The following SUCLG2 variants were observed in gnomAD, a reference collection of about 807,000 sequenced individuals.
SUCLG2 encodes succinate-CoA ligase GDP-forming subunit beta.
SUCLG2 carries 42 observed loss-of-function variants against 47.9 expected under a neutral mutation model. That is an observed-to-expected ratio of 0.88 (90% CI 0.69 to 1.14). The LOEUF (loss-of-function observed/expected upper bound fraction) is 1.14. Among genes scored for constraint, SUCLG2 ranks in the 50% most tolerant of loss-of-function variants. SUCLG2 has a pLI of 0.00. For missense variants in SUCLG2, 571 were observed against 525.9 expected (o/e 1.09, Z -0.84); for synonymous variants, 195 against 197.3 (o/e 0.99, Z 0.10).
At chr3:67,640,029 ATAAT>A (rs1004989264) in intron 1 of SUCLG2, among the ~76,000 whole-genome samples, 60 of 151,846 alleles carry the variant, frequency 4.0e-4, no homozygotes, top group African/African-American at 1.4e-3. Context: ...AGGAGATAGC[ATAAT>A]TAAAAAATAA....
rs1702009354 is a variant in SUCLG2, at chr3:67,375,079, G to A, written c.*665C>T. 5.1e-6 allele frequency: 5 copies of A among 985,724 alleles called. No individual in the cohort carries two copies. The highest frequency in any genetic ancestry group is 6.0e-6 in the Non-Finnish European group (5 of 829,878). 61.1% of individuals were successfully genotyped at this position (985,724 alleles called of 1,614,324 possible). A position where few individuals can be genotyped will look rare whatever the true frequency, so the allele number is the denominator to read the frequency against. ...AATAAGGCTTCTGGTTTTCTTTTTA[G>A]TGTGAGGTAAACAGTATATTCAATA... On this transcript the variant is annotated 3_prime_UTR_variant, in exon 11 of 11. Transcript: ENST00000307227.
At chr3:67,562,550 T>C (rs917066036) in intron 2 of SUCLG2, among the ~76,000 whole-genome samples, 27 of 152,360 alleles carry the variant, frequency 1.8e-4, no homozygotes, top group Admixed American at 1.6e-3. Context: ...AGTGCTGGGA[T>C]CACAGGCGTG....
intron 9 of SUCLG2, among the ~76,000 whole-genome samples, chr3:67,422,335 C>G (rs1703179489): frequency 1.3e-5 from 2 of 151,306 alleles, no homozygotes; most frequent in South Asian, 4.2e-4. Flanking sequence ...ATTAGCTGGG[C>G]ATGGTGGTGT....
At chr3:67,425,046 G>A (rs1022873962) in intron 9 of SUCLG2, among the ~76,000 whole-genome samples, 1 of 151,218 alleles carries the variant, frequency 6.6e-6, no homozygotes, top group African/African-American at 2.4e-5. Context: ...CACACCTTTA[G>A]CCAGAGAATC....
At chr3:67,377,440 T>C (rs374455983) in intron 10 of SUCLG2, among the ~76,000 whole-genome samples, 4 of 152,178 alleles carry the variant, frequency 2.6e-5, no homozygotes, top group East Asian at 3.9e-4. Context: ...TAGAGTGCTA[T>C]TGCTGGAAAG....
At chr3:67,569,694 G>A (rs1707558821) in intron 2 of SUCLG2, among the ~76,000 whole-genome samples, 1 of 152,158 alleles carries the variant, frequency 6.6e-6, no homozygotes, top group African/African-American at 2.4e-5. Flanking sequence ...AACTTGTCTG[G>A]TTTCACAAAT....
At chr3:67,472,781 A>T (rs1488948684) in intron 9 of SUCLG2, among the ~76,000 whole-genome samples, 2 of 152,162 alleles carry the variant, frequency 1.3e-5, no homozygotes, top group Admixed American at 6.5e-5. Flanking sequence ...ACAAACATTC[A>T]ATGTAGTCCC....
chr3:67,483,809 C>A (rs528610802), intron 9 of SUCLG2, among the ~76,000 whole-genome samples: 2 of 152,080 alleles, frequency 1.3e-5, no homozygotes, highest in African/African-American at 4.8e-5. Flanking sequence ...TGGAGAACAC[C>A]CCCCTACCTA....
chr3:67,524,954 C>T (rs924257004), intron 4 of SUCLG2, among the ~76,000 whole-genome samples: 2 of 152,120 alleles, frequency 1.3e-5, no homozygotes, highest in Non-Finnish European at 2.9e-5. Context: ...GGGAACTTCA[C>T]CAAGCATTTA....
intron 2 of SUCLG2, among the ~76,000 whole-genome samples, chr3:67,579,911 A>G (rs970937309): frequency 5.3e-5 from 8 of 152,214 alleles, no homozygotes; most frequent in African/African-American, 1.9e-4. Context: ...ACATAAACAG[A>G]AAGACACATT....
intron 9 of SUCLG2, 21 bp downstream of exon 9, chr3:67,495,777 C>T (rs752488364): frequency 3.1e-5 from 50 of 1,612,268 alleles, no homozygotes; most frequent in Non-Finnish European, 4.2e-5. Context: ...CATATAATCT[C>T]CCTACAAAGA....
intron 2 of SUCLG2, among the ~76,000 whole-genome samples, chr3:67,545,250 G>A (rs1341613090): frequency 1.3e-5 from 2 of 152,246 alleles, no homozygotes; most frequent in East Asian, 3.9e-4. Flanking sequence ...ACAACAGCTT[G>A]ATGTTGTTGC....
At chr3:67,546,169 A>C (rs1345025803) in intron 2 of SUCLG2, among the ~76,000 whole-genome samples, 1 of 152,238 alleles carries the variant, frequency 6.6e-6, no homozygotes, top group Non-Finnish European at 1.5e-5. Context: ...TGAGGGAATT[A>C]ACAAGCTGGT....
At chr3:67,478,638 C>A (rs1443612080) in intron 9 of SUCLG2, among the ~76,000 whole-genome samples, 3 of 152,202 alleles carry the variant, frequency 2.0e-5, no homozygotes, top group Non-Finnish European at 4.4e-5. Context: ...ATCACATACA[C>A]ATTTAATTTA....
chr3:67,434,108 C>T (rs908755630), intron 9 of SUCLG2, among the ~76,000 whole-genome samples: 2 of 152,134 alleles, frequency 1.3e-5, no homozygotes, highest in South Asian at 2.1e-4. Context: ...GTAACTGCTA[C>T]AGGAGCAAAT....
chr3:67,412,295 T>C (rs1281273554), intron 9 of SUCLG2, among the ~76,000 whole-genome samples: 2 of 152,206 alleles, frequency 1.3e-5, no homozygotes, highest in Non-Finnish European at 2.9e-5. Context: ...ACACCTTCTC[T>C]CATCCATGGT....
At chr3:67,370,998 G>A (rs1407309307), downstream of SUCLG2, among the ~76,000 whole-genome samples, 3 of 152,084 alleles carry the variant, frequency 2.0e-5, no homozygotes, top group Admixed American at 6.6e-5. Flanking sequence ...GCACATGAAT[G>A]TTCAATATTA....
intron 2 of SUCLG2, among the ~76,000 whole-genome samples, chr3:67,589,346 G>A (rs565827934): frequency 4.7e-4 from 71 of 152,262 alleles, no homozygotes; most frequent in African/African-American, 1.6e-3. Context: ...ATTCGAAGCC[G>A]CTCCCAAGAG....
rs141333909 is a variant in SUCLG2, at chr3:67,540,694, G to C, written c.227-11508C>G. 4.4e-3 allele frequency among the ~76,000 whole-genome samples: 674 copies of C among 152,338 alleles called. 8 individuals are homozygous for C. In the East Asian group the frequency reaches 0.054, roughly 12 times the overall value. ...GATCTCCCAGCACACTGCTGGAGCT[G>C]TGCTAAGGGACAGACTGCCTCCTCT... On this transcript the variant is annotated intron_variant, in intron 2 of 10. Coordinates refer to ENST00000307227, the MANE Select transcript of SUCLG2 (RefSeq NM_003848.4).
Sources: allele counts gnomAD v4.1 joint callset (sites outside exome capture counted in the v4.1 genomes callset), GRCh38; gene constraint gnomAD v4.1.1; transcripts MANE v1.5; gene names NCBI Gene and HGNC (gene_info 2026-07-23, HGNC 2026-07-21).